The following ECHDC3 variants were observed in gnomAD, a reference collection of about 807,000 sequenced individuals.
ECHDC3 encodes the protein enoyl-CoA hydratase domain containing 3.
ECHDC3 carries 20 observed loss-of-function variants against 17.9 expected under a neutral mutation model. That is an observed-to-expected ratio of 1.12 (90% CI 0.79 to 1.63). ECHDC3 has a LOEUF of 1.63. Ranked by LOEUF, ECHDC3 falls within the 40% of genes most tolerant of loss-of-function variation. The pLI is 0.00. For missense variants in ECHDC3, 407 were observed against 357.7 expected, an observed-to-expected ratio of 1.14 and a Z score of -1.11; for synonymous variants, 177 against 149.7, an observed-to-expected ratio of 1.18 and a Z score of -1.33.
chr10:11,760,315 T>C (rs756530645), intron 4 of ECHDC3, among the ~76,000 whole-genome samples: 7 of 152,206 alleles, frequency 4.6e-5, no homozygotes, highest in African/African-American at 1.2e-4. Context: ...CCTGTGAAGC[T>C]TGGACTCCAA....
intron 4 of ECHDC3, among the ~76,000 whole-genome samples, chr10:11,756,291 T>A (rs970012915): frequency 6.6e-6 from 1 of 152,208 alleles, no homozygotes; most frequent in Non-Finnish European, 1.5e-5. Context: ...TAAACTTCCC[T>A]CAAGTGTAAA....
At chr10:11,745,011 G>A (rs921983997) in intron 1 of ECHDC3, among the ~76,000 whole-genome samples, 1 of 152,192 alleles carries the variant, frequency 6.6e-6, no homozygotes, top group Non-Finnish European at 1.5e-5. Flanking sequence ...AGTAGCCCAC[G>A]AAAGAAGTCA....
chr10:11,761,790 A>G (rs10752233), intron 4 of ECHDC3, among the ~76,000 whole-genome samples: 96,526 of 152,250 alleles, frequency 0.63, 31,844 homozygotes, highest in Non-Finnish European at 0.71. Context: ...TCTCAAAGGA[A>G]CCAACCTGCC....
chr10:11,748,599 A>G (rs935061993), intron 2 of ECHDC3, among the ~76,000 whole-genome samples: 1 of 152,170 alleles, frequency 6.6e-6, no homozygotes, highest in African/African-American at 2.4e-5. Flanking sequence ...CAAGATAACT[A>G]CAACAGCCAG....
chr10:11,743,585 C>T (rs916202969), intron 1 of ECHDC3, among the ~76,000 whole-genome samples: 1 of 152,242 alleles, frequency 6.6e-6, no homozygotes, highest in Non-Finnish European at 1.5e-5. Context: ...ACCCTTCCAG[C>T]CCTCATGCTC....
chr10:11,747,904 G>A (rs1313513894), intron 2 of ECHDC3, among the ~76,000 whole-genome samples: 1 of 152,150 alleles, frequency 6.6e-6, no homozygotes, highest in East Asian at 1.9e-4. Flanking sequence ...GCCATATTCT[G>A]CTAATTTGTT....
At chr10:11,749,411 C>CA in intron 2 of ECHDC3, 84 bp from the exon 3 acceptor site, 1 of 1,287,176 alleles carries the variant, frequency 7.8e-7, no homozygotes, top group African/African-American at 1.5e-5. Flanking sequence ...TGAAGTTATT[C>CA]AGTAGACAAG....
At chr10:11,745,329 G>T (rs1458685221) in intron 1 of ECHDC3, among the ~76,000 whole-genome samples, 1 of 152,172 alleles carries the variant, frequency 6.6e-6, no homozygotes, top group Non-Finnish European at 1.5e-5. Flanking sequence ...TTAGCACTAA[G>T]ATTAAGCATA....
intron 4 of ECHDC3, among the ~76,000 whole-genome samples, chr10:11,759,912 T>A (rs1832928724): frequency 6.6e-6 from 1 of 152,230 alleles, no homozygotes; most frequent in Admixed American, 6.5e-5. Flanking sequence ...AGGTGCTCAT[T>A]TTTGTTTTCC....
chr10:11,752,786 A>G (rs2133790956), intron 3 of ECHDC3, among the ~76,000 whole-genome samples: 1 of 152,330 alleles, frequency 6.6e-6, no homozygotes, highest in Admixed American at 6.5e-5. Flanking sequence ...TGACTTGTCC[A>G]GGATTAGGCA....
intron 3 of ECHDC3, 42 bp from the exon 4 acceptor site, chr10:11,755,366 C>T (rs1424461099): frequency 6.5e-7 from 1 of 1,526,874 alleles, no homozygotes. Context: ...AATGTCGTGC[C>T]TCCCTCTGGG....
At position 11,749,240 on chromosome 10, in the gene ECHDC3, A is replaced by G. The variant is rs78074259; in HGVS notation, c.293-255A>G. Among the ~76,000 whole-genome samples, 1,113 of 152,302 alleles carry G rather than the reference A, an allele frequency of 7.3e-3. 20 individuals are homozygous for G. The highest frequency in any genetic ancestry group is 0.025 in the African/African-American group (1,058 of 41,558). ...GAATCTTCTCCTTATGTAATTGTGT[A>G]TTTCTATCATTTTCCATGAAGAAAT... On this transcript the variant is annotated intron_variant, in intron 2 of 4. Transcript: ENST00000379215.
intron 4 of ECHDC3, among the ~76,000 whole-genome samples, chr10:11,761,913 G>A (rs1436344110): frequency 6.6e-6 from 1 of 152,136 alleles, no homozygotes; most frequent in Admixed American, 6.6e-5. Context: ...GTCTTCCAGT[G>A]CTGGAGATAC....
chr10:11,742,683 C>A lies in ECHDC3; in HGVS notation c.107C>A (p.Ala36Asp). 1 of 1,245,222 alleles carries A rather than the reference C, an allele frequency of 8.0e-7. No individual in the cohort carries two copies. The highest frequency in any genetic ancestry group is 1.0e-6 in the Non-Finnish European group (1 of 996,120). 77.1% of individuals were successfully genotyped at this position (1,245,222 alleles called of 1,614,324 possible). ...LPARFCSRDPAGAGRRESEPR... is the reference protein window; with the variant it reads ...LPARFCSRDPDGAGRRESEPR... The stretch of plus-strand genomic sequence containing the variant: ...GCCCGCTTCTGCAGCCGGGACCCGG[C>A]CGGGGCGGGGCGGCGGGAGTCGGAG... Residue 36 changes from alanine (A) to aspartate (D), a missense_variant, in exon 1 of 5, where the codon GCC becomes GAC. Physicochemically the swap from Ala to Asp is moderately radical, Grantham distance 126. Coordinates refer to ENST00000379215, the MANE Select transcript of ECHDC3 (RefSeq NM_024693.5).
intron 1 of ECHDC3, among the ~76,000 whole-genome samples, chr10:11,746,991 C>A (rs529183295): frequency 6.6e-6 from 1 of 152,308 alleles, no homozygotes; most frequent in East Asian, 1.9e-4. Flanking sequence ...TCAGATTTCT[C>A]CAGCGCCTGC....
rs935318431 is a variant in ECHDC3, at chr10:11,742,651, G to A, written c.75G>A (p.Gln25=). 1.6e-6 allele frequency: 2 copies of A among 1,255,164 alleles called. No individual in the cohort carries two copies. The highest frequency in any genetic ancestry group is 2.0e-6 in the Non-Finnish European group (2 of 1,001,484). The allele number at this position is 1,255,164 out of a possible 1,614,324, so 77.8% of individuals were successfully genotyped here. ...PMCLRRGPWA[Q]LPARFCSRDP... is the part of the protein sequence containing the mutation. ...GTCTCCGGCGCGGCCCCTGGGCCCAGCTCCCCGCCCGCTTCTGCAGCCGGG... is the reference window on the plus strand; with the variant it reads ...GTCTCCGGCGCGGCCCCTGGGCCCAACTCCCCGCCCGCTTCTGCAGCCGGG... Residue 25 remains glutamine (Q), a synonymous_variant, in exon 1 of 5, where the codon CAG becomes CAA. Coordinates refer to ENST00000379215, the MANE Select transcript of ECHDC3 (RefSeq NM_024693.5).
intron 1 of ECHDC3, among the ~76,000 whole-genome samples, chr10:11,746,528 A>G (rs1200233721): frequency 6.6e-6 from 1 of 152,144 alleles, no homozygotes. Flanking sequence ...GCTTGAAGGG[A>G]TGGATACCCC....
intron 4 of ECHDC3, 44 bp downstream of exon 4, chr10:11,755,652 C>A (rs118059957): frequency 1.3e-6 from 2 of 1,541,730 alleles, no homozygotes; most frequent in East Asian, 2.3e-5. Flanking sequence ...CAGCCTTCTC[C>A]GGAGTTCCTC....
At chr10:11,761,025 A>G (rs1832944243) in intron 4 of ECHDC3, among the ~76,000 whole-genome samples, 1 of 152,130 alleles carries the variant, frequency 6.6e-6, no homozygotes, top group Non-Finnish European at 1.5e-5. Flanking sequence ...CATGCCTTTA[A>G]CTTTACAGAG....
Sources: gnomAD v4.1 joint callset for allele counts (sites outside exome capture counted in the v4.1 genomes callset) on GRCh38, gnomAD v4.1.1 for gene constraint, MANE v1.5 for transcripts, NCBI Gene and HGNC (gene_info 2026-07-23, HGNC 2026-07-21) for gene names.